CACNB2: variants seen among roughly 807,000 people sequenced by gnomAD.
The protein encoded by CACNB2 is calcium voltage-gated channel auxiliary subunit beta 2.
A neutral mutation model predicts 73.3 loss-of-function variants in CACNB2; 42 were observed. The ratio of observed to expected loss-of-function variants is 0.57; its 90% CI spans 0.45 to 0.74. The LOEUF is 0.74. CACNB2 is among the 30% of genes least tolerant of loss of function. CACNB2 has a pLI of 0.00. For missense variants in CACNB2, 940 were observed against 853.0 expected (o/e 1.10, Z -1.27); for synonymous variants, 348 against 310.3 (o/e 1.12, Z -1.28).
chr10:18,498,825 A>G (rs1391034723), intron 4 of CACNB2: 2 of 294,904 alleles, frequency 6.8e-6, no homozygotes, highest in Admixed American at 9.9e-5. Context: ...AAGTCTAGGC[A>G]TCTGGGGAGG....
chr10:18,227,842 G>A (rs928243373), intron 2 of CACNB2, among the ~76,000 whole-genome samples: 2 of 152,144 alleles, frequency 1.3e-5, no homozygotes, highest in Admixed American at 6.5e-5. Flanking sequence ...GAATCAAAAG[G>A]CATTTATTGG....
intron 2 of CACNB2, among the ~76,000 whole-genome samples, chr10:18,208,177 G>C (rs889190745): frequency 2.0e-5 from 3 of 152,246 alleles, no homozygotes; most frequent in African/African-American, 7.2e-5. Context: ...CTTCAAAAAG[G>C]CTGTTTTAGC....
intron 3 of CACNB2, among the ~76,000 whole-genome samples, chr10:18,462,859 A>G (rs891156854): frequency 1.3e-5 from 2 of 152,074 alleles, no homozygotes; most frequent in African/African-American, 4.8e-5. Context: ...CCCAGGTTCA[A>G]GAGATTCTCC....
intron 2 of CACNB2, among the ~76,000 whole-genome samples, chr10:18,385,194 A>G (rs960623356): frequency 1.3e-5 from 2 of 151,834 alleles, no homozygotes; most frequent in African/African-American, 2.4e-5. Flanking sequence ...GAGGCAGGAG[A>G]ATCATTTGAA....
At chr10:18,418,807 C>T (rs899251721) in intron 3 of CACNB2, among the ~76,000 whole-genome samples, 23 of 152,172 alleles carry the variant, frequency 1.5e-4, no homozygotes, top group Admixed American at 2.0e-4. Flanking sequence ...CTCATCCTGC[C>T]CTCCCTAGAC....
rs2030264074 is a variant in CACNB2 at position 18,140,450 on chromosome 10, C to T, written c.-287C>T. On this transcript the variant is annotated 5_prime_UTR_variant, in exon 1 of 14. Coordinates refer to ENST00000324631, the MANE Select transcript of CACNB2 (RefSeq NM_201596.3). ...CCGCGCTGCGCCCGCTCTCCCGGCC[C>T]CGGCTGCCCCGCTGAGGGCTCCCCT... Among the ~76,000 whole-genome samples, 1 of 151,952 alleles carries T rather than the reference C, an allele frequency of 6.6e-6. No homozygotes were observed. The highest frequency in any genetic ancestry group is 2.4e-5 in the African/African-American group (1 of 41,428).
intron 2 of CACNB2, among the ~76,000 whole-genome samples, chr10:18,297,954 G>A (rs1368543709): frequency 6.6e-6 from 1 of 152,166 alleles, no homozygotes; most frequent in Non-Finnish European, 1.5e-5. Context: ...ATAAAGAAAG[G>A]GAAGGAGAAT....
chr10:18,465,243 T>G (rs2047813462), intron 3 of CACNB2, among the ~76,000 whole-genome samples: 1 of 152,140 alleles, frequency 6.6e-6, no homozygotes, highest in African/African-American at 2.4e-5. Context: ...GGCAGGAGAA[T>G]TGCTTGAACC....
intron 2 of CACNB2, among the ~76,000 whole-genome samples, chr10:18,286,945 A>C (rs139824667): frequency 4.9e-4 from 74 of 152,350 alleles, no homozygotes; most frequent in African/African-American, 1.8e-3. Context: ...TCTCCAAGTT[A>C]AGGAGACCTA....
intron 2 of CACNB2, among the ~76,000 whole-genome samples, chr10:18,192,569 T>C (rs1381794149): frequency 1.3e-5 from 2 of 152,124 alleles, no homozygotes; most frequent in Non-Finnish European, 2.9e-5. Flanking sequence ...GTGTAACTAC[T>C]CTCTCTTTCT....
At chr10:18,493,613 A>C (rs1170909919) in intron 3 of CACNB2, among the ~76,000 whole-genome samples, 5 of 152,198 alleles carry the variant, frequency 3.3e-5, no homozygotes, top group Non-Finnish European at 7.3e-5. Context: ...GTTACCTTAA[A>C]GAATGGCGCT....
chr10:18,472,209 C>T (rs2048220254), intron 3 of CACNB2, among the ~76,000 whole-genome samples: 1 of 144,532 alleles, frequency 6.9e-6, no homozygotes, highest in Admixed American at 7.1e-5. Context: ...TAATATCCGG[C>T]CCACTTTTCT....
intron 5 of CACNB2, among the ~76,000 whole-genome samples, chr10:18,502,689 C>CAAAAAAAAA (rs71200974): frequency 1.6e-4 from 12 of 73,260 alleles, no homozygotes; most frequent in South Asian, 7.7e-4. Context: ...GACTCCATCT[C>CAAAAAAAAA]AAAAAAAAAA....
At chr10:18,284,532 C>T (rs1222059375) in intron 2 of CACNB2, among the ~76,000 whole-genome samples, 1 of 152,166 alleles carries the variant, frequency 6.6e-6, no homozygotes, top group Non-Finnish European at 1.5e-5. Flanking sequence ...TTACTGGAAA[C>T]ATGTGCACTT....
chr10:18,419,534 A>T (rs1192409896), intron 3 of CACNB2, among the ~76,000 whole-genome samples: 3 of 152,106 alleles, frequency 2.0e-5, no homozygotes, highest in African/African-American at 7.2e-5. Flanking sequence ...ACTGAATTGG[A>T]GTTTCAGGGG....
intron 3 of CACNB2, among the ~76,000 whole-genome samples, chr10:18,414,956 TCAATGG>T (rs1027262424): frequency 1.3e-5 from 2 of 152,120 alleles, no homozygotes; most frequent in Non-Finnish European, 2.9e-5. Flanking sequence ...TTTTGCCCCA[TCAATGG>T]CTACATAAAA....
chr10:18,320,182 G>A (rs538105449), intron 2 of CACNB2, among the ~76,000 whole-genome samples: 8 of 152,094 alleles, frequency 5.3e-5, no homozygotes, highest in South Asian at 2.1e-4. Flanking sequence ...TGATTCACAC[G>A]TCAAACTCTG....
intron 2 of CACNB2, among the ~76,000 whole-genome samples, chr10:18,390,199 G>A (rs2043404463): frequency 6.6e-6 from 1 of 152,188 alleles, no homozygotes; most frequent in Non-Finnish European, 1.5e-5. Context: ...GCACTTGGAT[G>A]TACCATCTTT....
chr10:18,514,095 A>G (rs933370901), intron 6 of CACNB2, 141 bp from the exon 7 acceptor site: 2 of 737,054 alleles, frequency 2.7e-6, no homozygotes, highest in Admixed American at 2.5e-5. Flanking sequence ...CTTACCTTTA[A>G]ATTTAATTTT....
Sources: allele counts gnomAD v4.1 joint callset (sites outside exome capture counted in the v4.1 genomes callset), GRCh38; gene constraint gnomAD v4.1.1; transcripts MANE v1.5; gene names NCBI Gene and HGNC (gene_info 2026-07-23, HGNC 2026-07-21).